The following CCDC149 variants were observed in gnomAD, a reference collection of about 807,000 sequenced individuals.
CCDC149 encodes coiled-coil domain-containing protein 149.
Under a neutral mutation model 59.9 loss-of-function variants are expected in CCDC149, and 45 were observed. The observed-to-expected ratio is 0.75, with a 90% CI of 0.59 to 0.96. CCDC149 has a LOEUF of 0.96. CCDC149 is among the 40% of genes least tolerant of loss of function. The pLI is 0.00. For missense variants in CCDC149, 584 were observed against 664.7 expected (o/e 0.88, Z 1.33); for synonymous variants, 245 against 260.6 (o/e 0.94, Z 0.58).
chr4:24,908,747 A>T (rs1406325532), intron 1 of CCDC149, among the ~76,000 whole-genome samples: 1 of 152,222 alleles, frequency 6.6e-6, no homozygotes, highest in Admixed American at 6.5e-5. Flanking sequence ...CTTTGGGCGG[A>T]GGCCCATGGT....
intron 1 of CCDC149, among the ~76,000 whole-genome samples, chr4:24,918,808 T>G (rs1298227559): frequency 6.6e-6 from 1 of 152,158 alleles, no homozygotes. Context: ...GTCAGTGTAT[T>G]GGGGCAACTG....
Position 24,979,106 on chromosome 4 carries a change from A to G in CCDC149, c.-65+963T>C, listed in dbSNP as rs566349743. On this transcript the variant is annotated intron_variant, in intron 1 of 12. Transcript: ENST00000389609. ...TAAAGGGTGAATTAATGAGGCCACC[A>G]TGGGGGACATGGATTCAGTGTCTTG... is the stretch of plus-strand genomic sequence containing the variant. Among the ~76,000 whole-genome samples, 4 of 152,362 alleles carry G rather than the reference A, an allele frequency of 2.6e-5. No individual in the cohort carries two copies. The East Asian group carries it at 5.8e-4, about 22-fold the overall frequency.
intron 2 of CCDC149, among the ~76,000 whole-genome samples, 192 bp downstream of exon 2, chr4:24,876,344 G>C (rs940032442): frequency 9.3e-5 from 14 of 149,762 alleles, no homozygotes; most frequent in African/African-American, 2.3e-4. Flanking sequence ...CACACACAGA[G>C]AGAGAGAGAG....
chr4:24,913,654 T>C (rs192218714), upstream of CCDC149, among the ~76,000 whole-genome samples: 302 of 152,280 alleles, frequency 2.0e-3, 2 homozygotes, highest in African/African-American at 6.9e-3. Context: ...CAAAGACAAA[T>C]TGGCACTGGT....
At chr4:24,866,948 C>T (rs574935258) in intron 3 of CCDC149, among the ~76,000 whole-genome samples, 1 of 152,124 alleles carries the variant, frequency 6.6e-6, no homozygotes, top group Admixed American at 6.5e-5. Flanking sequence ...GAGCTTTGAA[C>T]AAGACACTTA....
chr4:24,942,470 C>T (rs1049399689), intron 1 of CCDC149, among the ~76,000 whole-genome samples: 12 of 152,202 alleles, frequency 7.9e-5, no homozygotes, highest in Admixed American at 3.9e-4. Context: ...GGAAGCATTT[C>T]CTTTGAAAAC....
chr4:24,906,854 G>A (rs921701512), intron 1 of CCDC149, among the ~76,000 whole-genome samples: 7 of 152,148 alleles, frequency 4.6e-5, no homozygotes, highest in Admixed American at 4.6e-4. Context: ...GGACACCTGA[G>A]GGGGGATGAG....
At chr4:24,913,690 T>G (rs1009855555), upstream of CCDC149, among the ~76,000 whole-genome samples, 2 of 152,192 alleles carry the variant, frequency 1.3e-5, no homozygotes, top group Non-Finnish European at 2.9e-5. Context: ...ATGCCTGTAA[T>G]CCCAGCACCT....
In CCDC149 at chr4:24,835,010, T is replaced by A; in HGVS notation, c.758A>T (p.Asn253Ile). The change falls in exon 8 of 13, where the codon AAC becomes ATC. Residue 253 changes from asparagine (N) to isoleucine (I), a missense_variant. Transcript: ENST00000635206. ...GCTGGATTTACCCTGGCCCTTCGAG[T>A]TTTTCCGTCTCTCCAGAGCATTCTA... The A allele has an allele frequency of 6.2e-7, 1 of 1,613,448 alleles. No homozygotes were observed.
intron 1 of CCDC149, among the ~76,000 whole-genome samples, chr4:24,879,858 C>T (rs1033368453): frequency 6.6e-5 from 10 of 152,160 alleles, no homozygotes; most frequent in Admixed American, 1.3e-4. Flanking sequence ...TCTTATCCAG[C>T]CCATACTTTA....
chr4:24,972,908 C>T (rs1047661237), intron 1 of CCDC149, among the ~76,000 whole-genome samples: 4 of 152,180 alleles, frequency 2.6e-5, no homozygotes, highest in Non-Finnish European at 5.9e-5. Context: ...AAGGGACTAA[C>T]TGAGGGTCTA....
intron 3 of CCDC149, among the ~76,000 whole-genome samples, chr4:24,858,686 C>A (rs541906369): frequency 6.6e-6 from 1 of 152,204 alleles, no homozygotes; most frequent in Admixed American, 6.5e-5. Context: ...ATGATGCCTG[C>A]AGAAGCAATT....
chr4:24,847,872 T>C (rs1333038685), intron 4 of CCDC149, among the ~76,000 whole-genome samples: 1 of 152,202 alleles, frequency 6.6e-6, no homozygotes, highest in Non-Finnish European at 1.5e-5. Flanking sequence ...TTTGGTAACC[T>C]GACATTTGTC....
intron 1 of CCDC149, among the ~76,000 whole-genome samples, chr4:24,924,629 A>G (rs1722385599): frequency 6.6e-6 from 1 of 152,216 alleles, no homozygotes; most frequent in Non-Finnish European, 1.5e-5. Flanking sequence ...TTTCTTCCTC[A>G]TAGCACAGCT....
chr4:24,923,552 A>T (rs1221423436), intron 1 of CCDC149, among the ~76,000 whole-genome samples: 2 of 152,238 alleles, frequency 1.3e-5, no homozygotes, highest in Non-Finnish European at 2.9e-5. Context: ...GCAAGGCCTG[A>T]AGGATGTATA....
intron 1 of CCDC149, among the ~76,000 whole-genome samples, chr4:24,976,774 C>A (rs1170540185): frequency 6.6e-6 from 1 of 152,130 alleles, no homozygotes; most frequent in Admixed American, 6.5e-5. Flanking sequence ...GGTATAGTGT[C>A]CTTTCTGAAG....
intron 1 of CCDC149, among the ~76,000 whole-genome samples, chr4:24,905,230 T>G (rs1721405171): frequency 6.6e-6 from 1 of 151,772 alleles, no homozygotes; most frequent in Non-Finnish European, 1.5e-5. Context: ...GAGTTCCTTT[T>G]ATATTCTGGA....
intron 1 of CCDC149, among the ~76,000 whole-genome samples, chr4:24,949,458 GA>G (rs1168276430): frequency 4.6e-4 from 68 of 147,720 alleles, no homozygotes; most frequent in African/African-American, 1.6e-3. Flanking sequence ...GTGGTGGGGG[GA>G]CTCCCTCATC....
At chr4:24,899,971 C>T (rs915270092) in intron 1 of CCDC149, among the ~76,000 whole-genome samples, 13 of 152,310 alleles carry the variant, frequency 8.5e-5, no homozygotes, top group Middle Eastern at 3.4e-3. Flanking sequence ...TTCCTTCTGT[C>T]TAGAACACCC....
Sources: allele counts gnomAD v4.1 joint callset (sites outside exome capture counted in the v4.1 genomes callset), GRCh38; gene constraint gnomAD v4.1.1; transcripts MANE v1.5; gene names NCBI Gene and HGNC (gene_info 2026-07-23, HGNC 2026-07-21).